Variants in ABHD18 observed in about 807,000 individuals in gnomAD.
The protein encoded by ABHD18 is cardiolipin-specific deacylase, mitochondrial.
In ABHD18, 55 loss-of-function variants were observed where a neutral mutation model predicts 65.9. That is an observed-to-expected ratio of 0.84 (90% confidence interval 0.67 to 1.05). ABHD18 has a LOEUF of 1.05. ABHD18 is among the 50% of genes least tolerant of loss of function. The pLI is 0.00. For synonymous variants in ABHD18, 181 were observed against 180.2 expected (o/e 1.00, Z -0.04); for missense variants, 533 against 558.5 (o/e 0.95, Z 0.46).
At chr4:128,008,566 C>T (rs936359203) in intron 4 of ABHD18, among the ~76,000 whole-genome samples, 4 of 152,024 alleles carry the variant, frequency 2.6e-5, no homozygotes, top group Admixed American at 6.6e-5. Flanking sequence ...TGAGCCACCG[C>T]GCCTGGCCAA....
In ABHD18 at chr4:127,991,040, T is replaced by G. The variant is rs75087141; in HGVS notation, c.278+1219T>G. Among the ~76,000 whole-genome samples the G allele has an allele frequency of 1.2e-3, 190 of 152,228 alleles. 5 individuals carry two copies. In the East Asian group the frequency reaches 0.027, roughly 22 times the overall value. On this transcript the variant is annotated intron_variant, in intron 4 of 12. Coordinates refer to ENST00000645843, the MANE Select transcript of ABHD18 (RefSeq NM_001358451.3). Reference sequence around the variant, plus strand: ...CACCATACCCGGCTAATTTTTGTATTTTTAGTACGGATGGACTTTTGCCAT... The same window carrying G: ...CACCATACCCGGCTAATTTTTGTATGTTTAGTACGGATGGACTTTTGCCAT...
At chr4:127,984,855 C>T (rs986873000) in intron 3 of ABHD18, among the ~76,000 whole-genome samples, 1 of 152,114 alleles carries the variant, frequency 6.6e-6, no homozygotes, top group Admixed American at 6.5e-5. Context: ...AGTGAAACTC[C>T]GTCTCAAAAA....
At chr4:127,969,391 G>A (rs1049706626) in intron 1 of ABHD18, among the ~76,000 whole-genome samples, 3 of 151,614 alleles carry the variant, frequency 2.0e-5, no homozygotes, top group African/African-American at 7.3e-5. Context: ...AATAGAGACG[G>A]GGTTTCTCCA....
intron 7 of ABHD18, 149 bp from the exon 8 acceptor site, chr4:128,017,214 G>A: frequency 1.4e-6 from 1 of 715,662 alleles, no homozygotes; most frequent in Non-Finnish European, 2.2e-6. Flanking sequence ...CATCACGCCT[G>A]GCCCTAATTC....
chr4:127,991,159 G>A (rs1226391688), intron 4 of ABHD18, among the ~76,000 whole-genome samples: 2 of 151,988 alleles, frequency 1.3e-5, no homozygotes, highest in African/African-American at 2.4e-5. Context: ...CACCATGCTC[G>A]GCCACTGTTA....
In ABHD18 at chr4:128,035,884, T is replaced by C; in HGVS notation, c.*71T>C. The C allele has an allele frequency of 1.0e-6, 1 of 953,824 alleles. No individual in the cohort carries two copies. Among genetic ancestry groups the C allele is most frequent in the South Asian group, 1.7e-5 (1 of 57,492 alleles). 59.1% of individuals were successfully genotyped at this position (953,824 alleles called of 1,614,324 possible). A position where few individuals can be genotyped will look rare whatever the true frequency, so the allele number is the denominator to read the frequency against. On this transcript the variant is annotated 3_prime_UTR_variant, in exon 13 of 13. Transcript: ENST00000645843. ...AAGGGAGCTTCATCCTGTGATCATG[T>C]GAAGGACAAGCAGACAGCACTAATA...
At chr4:128,018,718 C>G (rs935564755) in intron 8 of ABHD18, among the ~76,000 whole-genome samples, 3 of 151,884 alleles carry the variant, frequency 2.0e-5, no homozygotes, top group Non-Finnish European at 4.4e-5. Context: ...AAAACTTACT[C>G]AAATTCAAAA....
At chr4:128,034,633 T>A (rs2149202663) in intron 12 of ABHD18, among the ~76,000 whole-genome samples, 1 of 152,106 alleles carries the variant, frequency 6.6e-6, no homozygotes, top group African/African-American at 2.4e-5. Flanking sequence ...AAGATAAAAT[T>A]TGTCTATTCC....
Position 128,030,499 on chromosome 4 carries a change from C to A in ABHD18, c.1181-11C>A. On this transcript the variant is annotated splice_polypyrimidine_tract_variant and intron_variant, in intron 11 of 12. Transcript: ENST00000645843. Reference sequence around the variant, plus strand: ...GTGTATATGTTGAATTTTTAAAAATCCTATACCTAGTCCCAGTTGATCCAA... The same window carrying A: ...GTGTATATGTTGAATTTTTAAAAATACTATACCTAGTCCCAGTTGATCCAA... 2 of 1,506,976 alleles carry A rather than the reference C, an allele frequency of 1.3e-6. No homozygotes were observed. The highest frequency in any genetic ancestry group is 2.5e-5 in the East Asian group (1 of 40,370). 93.4% of individuals were successfully genotyped at this position (1,506,976 alleles called of 1,614,324 possible).
rs966129084 is a variant in ABHD18, at chr4:128,038,747, A to T, written c.*2934A>T. 1 of 151,954 alleles carries T rather than the reference A, an allele frequency of 6.6e-6. No individual in the cohort carries two copies. Among genetic ancestry groups the T allele is most frequent in the African/African-American group, 2.4e-5 (1 of 41,380 alleles). 9.4% of individuals were successfully genotyped at this position (151,954 alleles called of 1,614,324 possible). On this transcript the variant is annotated 3_prime_UTR_variant, in exon 13 of 13. Coordinates refer to ENST00000645843, the MANE Select transcript of ABHD18 (RefSeq NM_001358451.3). ...CTCTATTAAAAATACAAAATTTTTAAAAAAAATACAAAATTAGCCAGGCGT... is the reference window on the plus strand; with the variant it reads ...CTCTATTAAAAATACAAAATTTTTATAAAAAATACAAAATTAGCCAGGCGT...
intron 1 of ABHD18, among the ~76,000 whole-genome samples, chr4:127,974,870 C>CA (rs1434883674): frequency 1.6e-4 from 25 of 151,876 alleles, no homozygotes; most frequent in African/African-American, 5.5e-4. Flanking sequence ...GTGGTTGTCG[C>CA]CTGTAATCCC....
chr4:128,028,263 A>C (rs1296852832), intron 10 of ABHD18, among the ~76,000 whole-genome samples: 1 of 151,082 alleles, frequency 6.6e-6, no homozygotes, highest in African/African-American at 2.5e-5. Flanking sequence ...TTATTCACTT[A>C]AGATAATGTC....
chr4:127,979,029 GTTTA>G (rs1748490754), intron 1 of ABHD18, among the ~76,000 whole-genome samples: 1 of 152,132 alleles, frequency 6.6e-6, no homozygotes, highest in South Asian at 2.1e-4. Flanking sequence ...AAGTCAAACT[GTTTA>G]TTCAAAGTAA....
intron 1 of ABHD18, among the ~76,000 whole-genome samples, chr4:127,969,592 A>T (rs1401081668): frequency 6.6e-6 from 1 of 152,192 alleles, no homozygotes; most frequent in African/African-American, 2.4e-5. Flanking sequence ...CATTGTTCTT[A>T]GGTCCTTTCT....
chr4:128,003,988 A>G (rs2149119535), intron 4 of ABHD18, among the ~76,000 whole-genome samples: 1 of 151,678 alleles, frequency 6.6e-6, no homozygotes, highest in Middle Eastern at 3.4e-3. Flanking sequence ...CAAACAAAAA[A>G]CCATTTCAAT....
chr4:127,974,553 T>G (rs1747520528), intron 1 of ABHD18, among the ~76,000 whole-genome samples: 1 of 151,440 alleles, frequency 6.6e-6, no homozygotes, highest in Non-Finnish European at 1.5e-5. Flanking sequence ...TTGTATTTAT[T>G]GTAGAAATGG....
intron 10 of ABHD18, among the ~76,000 whole-genome samples, chr4:128,026,518 CTTT>C (rs1433616938): frequency 6.6e-6 from 1 of 151,232 alleles, no homozygotes; most frequent in Non-Finnish European, 1.5e-5. Flanking sequence ...TGTGTATATC[CTTT>C]GCTCATTTGG....
intron 7 of ABHD18, among the ~76,000 whole-genome samples, chr4:128,014,380 T>C (rs973517958): frequency 6.6e-6 from 1 of 152,166 alleles, no homozygotes; most frequent in African/African-American, 2.4e-5. Context: ...AGAGTTTATT[T>C]AGGTCTAGTG....
chr4:128,021,647 CT>C (rs1756520132), intron 10 of ABHD18, among the ~76,000 whole-genome samples: 1 of 152,106 alleles, frequency 6.6e-6, no homozygotes, highest in African/African-American at 2.4e-5. Flanking sequence ...GAGTGAGACT[CT>C]GTCTTAAAAA....
Sources: allele counts gnomAD v4.1 joint callset (sites outside exome capture counted in the v4.1 genomes callset), GRCh38; gene constraint gnomAD v4.1.1; transcripts MANE v1.5; gene names NCBI Gene and HGNC (gene_info 2026-07-23, HGNC 2026-07-21).